The following CADPS variants were observed in gnomAD, a reference collection of about 807,000 sequenced individuals.
CADPS encodes calcium-dependent secretion activator 1.
In CADPS, 57 loss-of-function variants were observed where a neutral mutation model predicts 167.3. The observed-to-expected ratio is 0.34, with a 90% CI of 0.28 to 0.42. The LOEUF (loss-of-function observed/expected upper bound fraction) is 0.42. Ranked by LOEUF, CADPS falls within the 20% of genes least tolerant of loss-of-function variation. CADPS has a pLI of 1.00. For missense variants in CADPS, 1,414 were observed against 1,738.1 expected (o/e 0.81, Z 3.32); for synonymous variants, 676 against 635.3 (o/e 1.06, Z -0.96).
chr3:62,874,773 C>T lies in CADPS; in HGVS notation c.257G>A (p.Gly86Asp). 1 of 1,439,608 alleles carries T rather than the reference C, an allele frequency of 6.9e-7. No homozygotes were observed. Among genetic ancestry groups the T allele is most frequent in the Non-Finnish European group, 9.4e-7 (1 of 1,062,638 alleles). The allele number at this position is 1,439,608 out of a possible 1,614,324, so 89.2% of individuals were successfully genotyped here. A position where few individuals can be genotyped will look rare whatever the true frequency, so the allele number is the denominator to read the frequency against. ...CGGGCTGGGGCTGGAGGGCCGGCCG[C>T]CGCCAGCGCGGCTGCTGGGTTGCAG... ...GGLQPSSRAGGGRPSSPSPSV... is the reference protein window; with the variant it reads ...GGLQPSSRAGDGRPSSPSPSV... The change falls in exon 1 of 30, where the codon GGC (glycine) becomes GAC (aspartate). Residue 86 changes from glycine to aspartate, a missense_variant. Physicochemically the swap from Gly to Asp is moderately conservative, Grantham distance 94. This residue lies in a region of CADPS where 522 missense variants were observed against 559.5 expected (regional missense o/e 0.93). Transcript: ENST00000383710. The surrounding 1 kb of genome is among the most constrained non-coding windows in gnomAD (Gnocchi z 7.1).
intron 8 of CADPS, among the ~76,000 whole-genome samples, chr3:62,579,558 G>C (rs1334942222): frequency 6.6e-6 from 1 of 152,120 alleles, no homozygotes; most frequent in Non-Finnish European, 1.5e-5. Flanking sequence ...GCCAGGTAAG[G>C]CTTTCTGATA....
At chr3:62,624,887 G>C (rs2063773817) in intron 6 of CADPS, among the ~76,000 whole-genome samples, 1 of 152,028 alleles carries the variant, frequency 6.6e-6, no homozygotes, top group Admixed American at 6.6e-5. Flanking sequence ...TGCCCTCCTG[G>C]CCACAGCTGC....
At chr3:62,584,340 T>C (rs2084101517) in intron 8 of CADPS, among the ~76,000 whole-genome samples, 1 of 152,146 alleles carries the variant, frequency 6.6e-6, no homozygotes, top group Non-Finnish European at 1.5e-5. Context: ...TTTTAGTACT[T>C]TGAGCTTTAT....
intron 9 of CADPS, among the ~76,000 whole-genome samples, chr3:62,562,129 A>T (rs1366806857): frequency 6.6e-6 from 1 of 152,188 alleles, no homozygotes; most frequent in East Asian, 1.9e-4. Flanking sequence ...TTTGGTCTAG[A>T]TGGGTGGTTG....
At chr3:62,679,256 A>G (rs1225860754) in intron 3 of CADPS, among the ~76,000 whole-genome samples, 1 of 152,050 alleles carries the variant, frequency 6.6e-6, no homozygotes, top group Non-Finnish European at 1.5e-5. Flanking sequence ...TACTGCCACT[A>G]TTTGATGTGT....
intron 3 of CADPS, among the ~76,000 whole-genome samples, chr3:62,712,868 T>C (rs545990870): frequency 6.6e-6 from 1 of 152,184 alleles, no homozygotes; most frequent in African/African-American, 2.4e-5. Context: ...AGCTTGGTAT[T>C]ATTACCACCT....
intron 1 of CADPS, among the ~76,000 whole-genome samples, chr3:62,842,824 T>C (rs1481514919): frequency 6.6e-6 from 1 of 152,206 alleles, no homozygotes; most frequent in East Asian, 1.9e-4. Flanking sequence ...CTTCAAATTA[T>C]GATAAAAGTT....
At chr3:62,639,234 C>T (rs1235356713) in intron 6 of CADPS, among the ~76,000 whole-genome samples, 2 of 152,098 alleles carry the variant, frequency 1.3e-5, no homozygotes, top group Non-Finnish European at 2.9e-5. Context: ...TTGACTTTTA[C>T]CATTTATGAT....
chr3:62,810,962 A>T (rs2094364722), intron 1 of CADPS, among the ~76,000 whole-genome samples: 1 of 152,198 alleles, frequency 6.6e-6, no homozygotes, highest in African/African-American at 2.4e-5. Context: ...AATCCAAAGG[A>T]ACTGGTACTG....
chr3:62,644,472 C>T (rs2068093518), intron 6 of CADPS, among the ~76,000 whole-genome samples: 1 of 152,122 alleles, frequency 6.6e-6, no homozygotes, highest in Non-Finnish European at 1.5e-5. Context: ...AACTGACCTC[C>T]TGCACAACCC....
intron 3 of CADPS, among the ~76,000 whole-genome samples, chr3:62,686,059 T>C (rs1353337702): frequency 6.6e-6 from 1 of 152,108 alleles, no homozygotes; most frequent in African/African-American, 2.4e-5. Context: ...CTGACCACCA[T>C]ACATTGCATA....
At chr3:62,827,201 C>A (rs1035721576) in intron 1 of CADPS, among the ~76,000 whole-genome samples, 1 of 152,142 alleles carries the variant, frequency 6.6e-6, no homozygotes. Flanking sequence ...AATATAATCC[C>A]TAACTAGATC....
intron 3 of CADPS, among the ~76,000 whole-genome samples, chr3:62,668,756 G>A (rs970190382): frequency 6.6e-6 from 1 of 152,124 alleles, no homozygotes; most frequent in Non-Finnish European, 1.5e-5. Context: ...ACTTACGTAG[G>A]TGCTACTTGT....
chr3:62,794,324 T>C (rs1308388174), intron 1 of CADPS, among the ~76,000 whole-genome samples: 3 of 152,208 alleles, frequency 2.0e-5, no homozygotes, highest in African/African-American at 4.8e-5. Context: ...TACATCAGCA[T>C]GTATGAACTG....
chr3:62,659,784 C>A (rs2072704841), intron 4 of CADPS, among the ~76,000 whole-genome samples: 2 of 152,164 alleles, frequency 1.3e-5, no homozygotes, highest in South Asian at 2.1e-4. Context: ...GAGCTCACTC[C>A]AGGACCAGTT....
intron 6 of CADPS, among the ~76,000 whole-genome samples, chr3:62,633,824 T>C (rs1381072506): frequency 2.6e-5 from 4 of 152,176 alleles, no homozygotes; most frequent in Admixed American, 2.6e-4. Context: ...AAGCCAAATA[T>C]AGATGTCACT....
chr3:62,648,709 G>GAAAAAAAAAAAAAAAAAAAAAAAAAAAA (rs2069212304), intron 5 of CADPS, among the ~76,000 whole-genome samples: 1 of 33,408 alleles, frequency 3.0e-5, no homozygotes, highest in African/African-American at 7.9e-5. Flanking sequence ...AAAAAAAGAG[G>GAAAAAAAAAAAAAAAAAAAAAAAAAAAA]AAAGAAAATT....
chr3:62,537,065 T>G (rs1306483300), intron 11 of CADPS, among the ~76,000 whole-genome samples: 4 of 152,322 alleles, frequency 2.6e-5, no homozygotes, highest in East Asian at 1.9e-4. Context: ...TTATATCGTC[T>G]TCTTCCAAAT....
At chr3:62,498,444 G>C (rs2065168978) in intron 18 of CADPS, among the ~76,000 whole-genome samples, 1 of 152,024 alleles carries the variant, frequency 6.6e-6, no homozygotes, top group Admixed American at 6.6e-5. Context: ...TCTCACTTTT[G>C]AGATGAGCAT....
Sources: gnomAD v4.1 joint callset for allele counts (sites outside exome capture counted in the v4.1 genomes callset) on GRCh38, gnomAD v4.1.1 for gene constraint, gnomAD v4.1.1 regional missense constraint, Gnocchi (gnomAD v3.1) non-coding constraint, MANE v1.5 for transcripts, NCBI Gene and HGNC (gene_info 2026-07-23, HGNC 2026-07-21) for gene names.